PODNL1: variants seen among roughly 807,000 people sequenced by gnomAD.
PODNL1 encodes the protein podocan-like protein 1.
Under a neutral mutation model 45.1 loss-of-function variants are expected in PODNL1, and 50 were observed. The ratio of observed to expected loss-of-function variants is 1.11; its 90% CI spans 0.88 to 1.40. The LOEUF (loss-of-function observed/expected upper bound fraction) is 1.40. PODNL1 is among the 40% of genes most tolerant of loss of function. The pLI, the probability that PODNL1 is intolerant of heterozygous loss-of-function variation, is 0.00. For synonymous variants in PODNL1, 406 were observed against 372.5 expected, an observed-to-expected ratio of 1.09 and a Z score of -1.04; for missense variants, 788 against 793.3, an observed-to-expected ratio of 0.99 and a Z score of 0.08.
chr19:13,934,444 C>G, intron 5 of PODNL1, 34 bp from the exon 6 acceptor site: 1 of 1,466,724 alleles, frequency 6.8e-7, no homozygotes, highest in Non-Finnish European at 9.0e-7. Context: ...ACCAGCCTGC[C>G]CCTCGCCTCC....
upstream of PODNL1, chr19:13,938,564 G>A (rs1972534287): frequency 5.3e-6 from 4 of 754,436 alleles, no homozygotes; most frequent in Non-Finnish European, 6.6e-6. Context: ...AGTAGGGGTG[G>A]GGATGGAGGG....
At chr19:13,936,516 A>G in intron 2 of PODNL1, 56 bp from the exon 3 acceptor site, 1 of 1,440,424 alleles carries the variant, frequency 6.9e-7, no homozygotes, top group Non-Finnish European at 9.8e-7. Context: ...AAGTGACCCC[A>G]AGCACTGATT....
chr19:13,947,200 G>T (rs1972850819), intron 1 of PODNL1, among the ~76,000 whole-genome samples: 1 of 127,044 alleles, frequency 7.9e-6, no homozygotes, highest in South Asian at 2.5e-4. Context: ...AAAAAAAAAG[G>T]CTGGCCATGG....
At chr19:13,945,363 C>T (rs1282908825) in intron 1 of PODNL1, among the ~76,000 whole-genome samples, 1 of 151,216 alleles carries the variant, frequency 6.6e-6, no homozygotes. Context: ...AAAAAAAATT[C>T]AGAAAATTAG....
chr19:13,935,721 C>T lies in PODNL1; in HGVS notation c.494G>A (p.Arg165Lys). ...GGGCCTGGGCTGGGCCAGGGTCTAC[C>T]TGAGTGCCGGCTTCTCCCCAAAGGT... ...PLTFGEKPAL[R>K]SVYLHNNQLS... Residue 165 changes from arginine to lysine, a missense_variant and splice_region_variant, in exon 5 of 10, where the codon AGG becomes AAG. Arg to Lys is a conservative substitution (Grantham distance 26). Transcript: ENST00000588872. The T allele has an allele frequency of 6.4e-7, 1 of 1,557,872 alleles. No homozygotes were observed. The highest frequency in any genetic ancestry group is 8.7e-7 in the Non-Finnish European group (1 of 1,156,052).
chr19:13,949,812 G>A (rs1055213403), intron 1 of PODNL1, among the ~76,000 whole-genome samples: 3 of 151,930 alleles, frequency 2.0e-5, no homozygotes, highest in Admixed American at 2.0e-4. Context: ...TCCCACCTCA[G>A]CCTCTTACGT....
chr19:13,944,985 A>G (rs1972769188), intron 1 of PODNL1, among the ~76,000 whole-genome samples: 2 of 152,098 alleles, frequency 1.3e-5, no homozygotes, highest in Non-Finnish European at 2.9e-5. Context: ...CATATTGGTC[A>G]GGCTGGTCTT....
chr19:13,936,378 A>G lies in PODNL1; in HGVS notation c.308T>C (p.Ile103Thr). 6.2e-7 allele frequency: 1 copy of G among 1,612,002 alleles called. No individual in the cohort carries two copies. Reference sequence around the variant, plus strand: ...CTCTGCCCCCTCACCTTCGGAGGAGATGAGGTTGTTGTGGAGGTTGAGGGT... The same window carrying G: ...CTCTGCCCCCTCACCTTCGGAGGAGGTGAGGTTGTTGTGGAGGTTGAGGGT... ...LRTLNLHNNL[I>T]SSEGLPDEAF... Residue 103 changes from isoleucine (I) to threonine (T), a missense_variant, in exon 3 of 10, where the codon ATC becomes ACC. Transcript: ENST00000588872.
chr19:13,933,352 G>T lies in PODNL1; in HGVS notation c.871C>A (p.Arg291Ser). ...TLAILHLGRNRIRQVEAARLH... is the reference protein window; with the variant it reads ...TLAILHLGRNSIRQVEAARLH... Reference sequence around the variant, plus strand: ...CGAGCCGCCTCCACCTGCCGGATGCGGTTGCGGCCCAGGTGCAGGATAGCC... The same window carrying T: ...CGAGCCGCCTCCACCTGCCGGATGCTGTTGCGGCCCAGGTGCAGGATAGCC... Residue 291 changes from arginine to serine, a missense_variant, in exon 8 of 10, where the codon CGC becomes AGC. Arg to Ser is a moderately radical substitution (Grantham distance 110). Around this residue, in one of 3 missense-constraint regions of PODNL1, gnomAD observed 762 missense variants for 750.9 expected, o/e 1.01. Coordinates refer to ENST00000588872, the MANE Select transcript of PODNL1 (RefSeq NM_001370095.3). The surrounding 1 kb of genome is among the most constrained non-coding windows in gnomAD (Gnocchi z 5.2). 1 of 1,607,324 alleles carries T rather than the reference G, an allele frequency of 6.2e-7. No individual in the cohort carries two copies. Among genetic ancestry groups the T allele is most frequent in the Middle Eastern group, 1.7e-4 (1 of 6,044 alleles).
intron 1 of PODNL1, among the ~76,000 whole-genome samples, chr19:13,951,812 C>A (rs1973046518): frequency 6.6e-6 from 1 of 152,132 alleles, no homozygotes; most frequent in African/African-American, 2.4e-5. Flanking sequence ...GAATATGATG[C>A]ACGGAGCGGA....
At chr19:13,936,093 G>C (rs1972332181) in intron 3 of PODNL1, 49 bp from the exon 4 acceptor site, 1 of 1,473,784 alleles carries the variant, frequency 6.8e-7, no homozygotes, top group Admixed American at 2.0e-5. Flanking sequence ...GTCTTGGGTG[G>C]AGGGGGAGTC....
At chr19:13,948,774 C>CAAAAAA (rs781038849) in intron 1 of PODNL1, among the ~76,000 whole-genome samples, 10 of 68,194 alleles carry the variant, frequency 1.5e-4, no homozygotes, top group African/African-American at 4.4e-4. Flanking sequence ...CCTGCCTCTA[C>CAAAAAA]AAAAAAAAAA....
chr19:13,953,242 G>A (rs550391254), exon 1 of PODNL1: 1 of 1,110,988 alleles, frequency 9.0e-7, no homozygotes, highest in Admixed American at 3.0e-5. Flanking sequence ...CCCAGAGCTG[G>A]GGGATGATGT....
rs1599425901 is a variant in PODNL1 at position 13,933,424 on chromosome 19, A to G, written c.799T>C (p.Ser267Pro). The change falls in exon 8 of 10, where the codon TCC (serine) becomes CCC (proline). Residue 267 changes from serine (S) to proline (P), a missense_variant. This residue lies in a region of PODNL1 where 762 missense variants were observed against 750.9 expected (regional missense o/e 1.01). Coordinates refer to ENST00000588872, the MANE Select transcript of PODNL1 (RefSeq NM_001370095.3). This position sits in a 1 kb window ranked among gnomAD's most constrained non-coding sequence, Gnocchi z 5.2. ...KLHSLEYLDLSHNQLTTVPAG... is the reference protein window; with the variant it reads ...KLHSLEYLDLPHNQLTTVPAG... ...GGCACTGTGGTCAGCTGGTTGTGGG[A>G]GAGATCCAGGTATTCAAGGCTATGC... The G allele has an allele frequency of 6.3e-7, 1 of 1,592,452 alleles. No individual in the cohort carries two copies. Among genetic ancestry groups the G allele is most frequent in the Non-Finnish European group, 8.5e-7 (1 of 1,170,952 alleles).
chr19:13,942,481 C>T (rs1972685672), upstream of PODNL1, among the ~76,000 whole-genome samples: 1 of 152,172 alleles, frequency 6.6e-6, no homozygotes, highest in Non-Finnish European at 1.5e-5. Context: ...ACCATTGTTC[C>T]TGTAAATAAC....
At chr19:13,952,526 C>G (rs1182406129) in intron 1 of PODNL1, 10 of 1,250,360 alleles carry the variant, frequency 8.0e-6, no homozygotes, top group Non-Finnish European at 5.0e-6. Context: ...GCGCCCAGCT[C>G]GAAATCGGAG....
intron 8 of PODNL1, 119 bp downstream of exon 8, chr19:13,932,679 C>G: frequency 6.3e-7 from 1 of 1,585,326 alleles, no homozygotes; most frequent in Non-Finnish European, 8.6e-7. Context: ...CTAACCCACT[C>G]TTATCATTTT....
chr19:13,938,009 G>A lies in PODNL1; in HGVS notation c.4-3C>T. On this transcript the variant is annotated splice_polypyrimidine_tract_variant and splice_region_variant and intron_variant, in intron 1 of 9. Transcript: ENST00000588872. ...AGGAGCAGCAGCAGGCTCGGCCACTGCGGGGGAGGGAGGGTCAGCGTGTCT... is the reference window on the plus strand; with the variant it reads ...AGGAGCAGCAGCAGGCTCGGCCACTACGGGGGAGGGAGGGTCAGCGTGTCT... 1.3e-6 allele frequency: 2 copies of A among 1,517,096 alleles called. No individual in the cohort carries two copies. Among genetic ancestry groups the A allele is most frequent in the Non-Finnish European group, 1.8e-6 (2 of 1,124,250 alleles). 94.0% of individuals were successfully genotyped at this position (1,517,096 alleles called of 1,614,324 possible). A position where few individuals can be genotyped will look rare whatever the true frequency, so the allele number is the denominator to read the frequency against.
chr19:13,933,953 C>T lies in PODNL1; in HGVS notation c.692G>A (p.Arg231His), dbSNP rs1366737632. The T allele has an allele frequency of 9.9e-6, 16 of 1,611,962 alleles. No homozygotes were observed. The highest frequency in any genetic ancestry group is 8.9e-5 in the East Asian group (4 of 44,806). The change falls in exon 7 of 10, where the codon CGC becomes CAC. Residue 231 changes from arginine to histidine, a missense_variant. This residue lies in a region of PODNL1 where 762 missense variants were observed against 750.9 expected (regional missense o/e 1.01). Coordinates refer to ENST00000588872, the MANE Select transcript of PODNL1 (RefSeq NM_001370095.3). The surrounding 1 kb of genome is among the most constrained non-coding windows in gnomAD (Gnocchi z 5.2). Reference sequence around the variant, plus strand: ...GTAGAGCTCACGGAGTTGAGTCTGGCGGCTCAGGGCTCCTCGGGGCACCTT... The same window carrying T: ...GTAGAGCTCACGGAGTTGAGTCTGGTGGCTCAGGGCTCCTCGGGGCACCTT... Reference protein sequence around the residue: ...ISKVPRGALSRQTQLRELYLQ... With the variant: ...ISKVPRGALSHQTQLRELYLQ...
Sources: allele counts gnomAD v4.1 joint callset (sites outside exome capture counted in the v4.1 genomes callset), GRCh38; gene constraint gnomAD v4.1.1; regional missense constraint gnomAD v4.1.1; non-coding constraint Gnocchi (gnomAD v3.1); transcripts MANE v1.5; gene names NCBI Gene and HGNC (gene_info 2026-07-23, HGNC 2026-07-21).